Variants in SLC25A12 observed in about 807,000 individuals in gnomAD.
The protein encoded by SLC25A12 is solute carrier family 25 member 12.
Under a neutral mutation model 83.3 loss-of-function variants are expected in SLC25A12, and 32 were observed. The observed-to-expected ratio is 0.38, with a 90% confidence interval of 0.29 to 0.52. The LOEUF (loss-of-function observed/expected upper bound fraction) is 0.52. Ranked by LOEUF, SLC25A12 falls within the 20% of genes least tolerant of loss-of-function variation. The pLI is 0.84. For missense variants in SLC25A12, 611 were observed against 835.6 expected, an observed-to-expected ratio of 0.73 and a Z score of 3.31; for synonymous variants, 267 against 291.1, an observed-to-expected ratio of 0.92 and a Z score of 0.84.
intron 13 of SLC25A12, among the ~76,000 whole-genome samples, chr2:171,803,831 ACG>A (rs1391779571): frequency 0.028 from 3,692 of 129,808 alleles, 60 homozygotes; most frequent in Middle Eastern, 0.04. Flanking sequence ...ACACACACAC[ACG>A]CGCGCACACA....
chr2:171,827,449 C>T (rs1684326959), intron 8 of SLC25A12, among the ~76,000 whole-genome samples: 1 of 152,112 alleles, frequency 6.6e-6, no homozygotes, highest in South Asian at 2.1e-4. Context: ...TAGGATGTAA[C>T]TTCAGCCTCT....
rs570798096 is a variant in SLC25A12 at position 171,892,749 on chromosome 2, T to C, written c.66+456A>G. Among the ~76,000 whole-genome samples, 6 of 152,044 alleles carry C rather than the reference T, an allele frequency of 3.9e-5. No homozygotes were observed. The East Asian group carries it at 1.2e-3, about 29-fold the overall frequency. On this transcript the variant is annotated intron_variant, in intron 2 of 17. Transcript: ENST00000422440. ...AAATCCCCAAGGCTTAAGGATACAA[T>C]GTAAGTAAGACACACAAATTAAGAA...
chr2:171,843,788 G>C, intron 5 of SLC25A12, among the ~76,000 whole-genome samples: 1 of 138,768 alleles, frequency 7.2e-6, no homozygotes, highest in Non-Finnish European at 1.5e-5. Context: ...AGAGGTGAAA[G>C]AACTAGCTTT....
At position 171,785,155 on chromosome 2, in the gene SLC25A12, A is replaced by G. The variant is rs1690463445; in HGVS notation, c.*119T>C. 1.1e-6 allele frequency: 1 copy of G among 883,624 alleles called. No homozygotes were observed. Among genetic ancestry groups the G allele is most frequent in the African/African-American group, 1.6e-5 (1 of 60,664 alleles). The allele number at this position is 883,624 out of a possible 1,614,324, so 54.7% of individuals were successfully genotyped here. A position where few individuals can be genotyped will look rare whatever the true frequency, so the allele number is the denominator to read the frequency against. On this transcript the variant is annotated 3_prime_UTR_variant, in exon 18 of 18. Coordinates refer to ENST00000422440, the MANE Select transcript of SLC25A12 (RefSeq NM_003705.5). ...AAGTATATGTATATGTCATACAGAA[A>G]GAAGAGTTTGACTCCTCAGCTCAGT...
intron 2 of SLC25A12, among the ~76,000 whole-genome samples, chr2:171,877,528 G>A (rs1293867488): frequency 2.6e-5 from 4 of 151,972 alleles, no homozygotes; most frequent in African/African-American, 7.3e-5. Flanking sequence ...AGCCAGGCCT[G>A]ATGGTGGGTG....
intron 13 of SLC25A12, 189 bp downstream of exon 13, chr2:171,809,417 C>T: frequency 1.6e-6 from 1 of 608,800 alleles, no homozygotes; most frequent in South Asian, 2.0e-5. Flanking sequence ...GAAAATGCTA[C>T]CTCTTTTCTA....
chr2:171,858,966 T>A (rs1361816502), intron 3 of SLC25A12, among the ~76,000 whole-genome samples: 5 of 152,248 alleles, frequency 3.3e-5, no homozygotes, highest in African/African-American at 1.2e-4. Flanking sequence ...CATATATTCA[T>A]GCAACTTTGG....
Position 171,861,793 on chromosome 2 carries a change from A to C in SLC25A12, c.210-5844T>G, listed in dbSNP as rs539959993. 2.0e-5 allele frequency among the ~76,000 whole-genome samples: 3 copies of C among 152,292 alleles called. No individual in the cohort carries two copies. In the East Asian group the frequency reaches 5.8e-4, roughly 29 times the overall value. The stretch of plus-strand genomic sequence containing the variant: ...AGGGCCCAATCAAGACTTTAATAGA[A>C]TATATGCAAACCACAAGCTACTAAC... On this transcript the variant is annotated intron_variant, in intron 3 of 17. Coordinates refer to ENST00000422440, the MANE Select transcript of SLC25A12 (RefSeq NM_003705.5).
rs996203303 is a variant in SLC25A12 at position 171,877,280 on chromosome 2, G to A, written c.67-8457C>T. ...AAATGTTTTGCCTACCAAGCCAACA[G>A]ATCAACATACCAAGGCTTCAACTGA... is the stretch of plus-strand genomic sequence containing the variant. On this transcript the variant is annotated intron_variant, in intron 2 of 17. Transcript: ENST00000422440. Among the ~76,000 whole-genome samples, 33 of 152,268 alleles carry A rather than the reference G, an allele frequency of 2.2e-4. 1 individual carries two copies. The highest frequency in any genetic ancestry group is 7.9e-4 in the African/African-American group (33 of 41,562).
At chr2:171,833,698 C>T (rs1487918568) in intron 8 of SLC25A12, among the ~76,000 whole-genome samples, 1 of 151,912 alleles carries the variant, frequency 6.6e-6, no homozygotes. Context: ...CCTTCTCTTC[C>T]CTCCCCTTTC....
intron 3 of SLC25A12, among the ~76,000 whole-genome samples, chr2:171,867,193 C>CG (rs1685348473): frequency 6.7e-6 from 1 of 149,684 alleles, no homozygotes; most frequent in Admixed American, 6.6e-5. Context: ...AGACGATGGG[C>CG]GGCCAGGCAG....
intron 13 of SLC25A12, among the ~76,000 whole-genome samples, chr2:171,805,587 G>T (rs1365884299): frequency 1.3e-5 from 2 of 152,112 alleles, no homozygotes; most frequent in Non-Finnish European, 2.9e-5. Flanking sequence ...TTTCACTAAG[G>T]TTTTAGTTTT....
At position 171,786,523 on chromosome 2, in the gene SLC25A12, G is replaced by A. The variant is rs554857729; in HGVS notation, c.1835+1048C>T. Among the ~76,000 whole-genome samples the A allele has an allele frequency of 2.6e-5, 4 of 151,948 alleles. No homozygotes were observed. In the South Asian group the frequency reaches 8.3e-4, roughly 32 times the overall value. ...CTGCTGTTCTCACTTTTTTTGCATA[G>A]GTCCCTCCACTTGGTTCAGCAGCTG... On this transcript the variant is annotated intron_variant, in intron 17 of 17. Coordinates refer to ENST00000422440, the MANE Select transcript of SLC25A12 (RefSeq NM_003705.5).
chr2:171,876,346 A>T (rs1349587681), intron 2 of SLC25A12, among the ~76,000 whole-genome samples: 1 of 152,192 alleles, frequency 6.6e-6, no homozygotes, highest in Non-Finnish European at 1.5e-5. Context: ...TAAATTAGAG[A>T]CAATTACTTG....
intron 13 of SLC25A12, among the ~76,000 whole-genome samples, chr2:171,807,443 C>T (rs1042129325): frequency 5.3e-5 from 8 of 152,170 alleles, no homozygotes; most frequent in African/African-American, 1.9e-4. Flanking sequence ...TTTGGTTTAA[C>T]CACTTAGGTC....
intron 4 of SLC25A12, among the ~76,000 whole-genome samples, chr2:171,846,759 T>C (rs1404169512): frequency 2.0e-5 from 3 of 152,130 alleles, no homozygotes; most frequent in African/African-American, 7.2e-5. Flanking sequence ...TGAGCCAAGA[T>C]TGCGCCACTG....
At chr2:171,821,689 TG>T (rs1684197683) in intron 9 of SLC25A12, among the ~76,000 whole-genome samples, 1 of 152,248 alleles carries the variant, frequency 6.6e-6, no homozygotes, top group Non-Finnish European at 1.5e-5. Flanking sequence ...GCCTGCCTTT[TG>T]CTTATAAATT....
rs200445677 is a variant in SLC25A12, at chr2:171,785,249, T to A, written c.*25A>T. On this transcript the variant is annotated 3_prime_UTR_variant, in exon 18 of 18. Coordinates refer to ENST00000422440, the MANE Select transcript of SLC25A12 (RefSeq NM_003705.5). ...TAGGCCTCTTTCTTCAAGGCGCCAT[T>A]TTGCCACACTCAACAGTTGTCTCAT... The A allele has an allele frequency of 4.8e-4, 778 of 1,612,820 alleles. 13 individuals carry two copies. The East Asian group carries it at 0.011, about 23-fold the overall frequency.
chr2:171,874,171 A>G (rs1685515046), intron 2 of SLC25A12, among the ~76,000 whole-genome samples: 1 of 152,224 alleles, frequency 6.6e-6, no homozygotes, highest in Non-Finnish European at 1.5e-5. Flanking sequence ...GGTTGCGGTG[A>G]GCCGAGATCG....
Sources: allele counts gnomAD v4.1 joint callset (sites outside exome capture counted in the v4.1 genomes callset), GRCh38; gene constraint gnomAD v4.1.1; transcripts MANE v1.5; gene names NCBI Gene and HGNC (gene_info 2026-07-23, HGNC 2026-07-21).